Variants in RPH3A observed in about 807,000 individuals in gnomAD.
The protein encoded by RPH3A is rabphilin 3A, also known as rabphilin-3A.
In RPH3A, 48 loss-of-function variants were observed where a neutral mutation model predicts 102.2. That is an observed-to-expected ratio of 0.47 (90% confidence interval 0.37 to 0.60). RPH3A has a LOEUF of 0.60. Among genes scored for constraint, RPH3A ranks in the 20% least tolerant of loss-of-function variants. The probability of loss-of-function intolerance (pLI) is 0.00; values close to 1 mark genes in which losing one functional copy is unlikely to be tolerated. For synonymous variants in RPH3A, 310 were observed against 324.3 expected (o/e 0.96, Z 0.47); for missense variants, 781 against 910.1 (o/e 0.86, Z 1.83).
intron 2 of RPH3A, among the ~76,000 whole-genome samples, chr12:112,810,834 A>G (rs924125975): frequency 2.0e-5 from 3 of 152,232 alleles, no homozygotes; most frequent in Admixed American, 1.3e-4. Context: ...AGGAAAAGTG[A>G]AACTGTAAAA....
intron 1 of RPH3A, among the ~76,000 whole-genome samples, chr12:112,708,748 C>T (rs1457750004): frequency 1.3e-5 from 2 of 152,034 alleles, no homozygotes; most frequent in Non-Finnish European, 2.9e-5. Flanking sequence ...TATCAAGCGC[C>T]CAGGGGATCG....
At chr12:112,888,897 C>T (rs1434781814) in intron 17 of RPH3A, among the ~76,000 whole-genome samples, 6 of 152,208 alleles carry the variant, frequency 3.9e-5, no homozygotes, top group African/African-American at 2.4e-5. Context: ...CCTTGCCTTA[C>T]GTATGGGCCA....
rs921444321 is a variant in RPH3A at position 112,616,127 on chromosome 12, A to T, written c.-140+40808A>T. On this transcript the variant is annotated intron_variant, in intron 1 of 21. Coordinates refer to the RPH3A transcript ENST00000543106. ...CTGCCGAGCAACTGGTTTATCTCTG[A>T]TAAATGGATCCATTCTTTTTTTGTT... Among the ~76,000 whole-genome samples, 52 of 152,082 alleles carry T rather than the reference A, an allele frequency of 3.4e-4. 1 individual carries two copies. The highest frequency in any genetic ancestry group is 1.0e-3 in the African/African-American group (43 of 41,396).
chr12:112,661,828 T>G (rs2040050368), intron 1 of RPH3A, among the ~76,000 whole-genome samples: 2 of 152,152 alleles, frequency 1.3e-5, no homozygotes. Flanking sequence ...ACTTTGTTTC[T>G]GTGGCAGCAT....
chr12:112,712,714 G>A (rs2040470733), intron 1 of RPH3A, among the ~76,000 whole-genome samples: 1 of 151,396 alleles, frequency 6.6e-6, no homozygotes, highest in East Asian at 1.9e-4. Flanking sequence ...TTGTTTGTTT[G>A]TTTTGTTTTG....
rs182512781 is a variant in RPH3A, at chr12:112,575,649, C to G, written c.-140+330C>G. On this transcript the variant is annotated intron_variant, in intron 1 of 21. Transcript: ENST00000543106. The stretch of plus-strand genomic sequence containing the variant: ...GGCTGCGGCGAAGGTAGCTCCTCTC[C>G]GGTAGCCACGGGGTGTCGGATGTGC... Among the ~76,000 whole-genome samples the G allele has an allele frequency of 2.7e-3, 407 of 152,160 alleles. 6 individuals carry two copies. The highest frequency in any genetic ancestry group is 9.6e-3 in the African/African-American group (398 of 41,530).
chr12:112,803,787 C>T (rs1032658752), intron 2 of RPH3A, among the ~76,000 whole-genome samples: 13 of 152,260 alleles, frequency 8.5e-5, no homozygotes, highest in African/African-American at 2.9e-4. Flanking sequence ...GCAGTATGCG[C>T]AGTCCTTAGA....
intron 5 of RPH3A, among the ~76,000 whole-genome samples, chr12:112,858,121 G>C (rs1188745259): frequency 6.6e-6 from 1 of 151,698 alleles, no homozygotes; most frequent in Non-Finnish European, 1.5e-5. Flanking sequence ...AAAAATAATA[G>C]CTGGACGTAG....
chr12:112,659,325 T>G (rs1308262614), intron 1 of RPH3A, among the ~76,000 whole-genome samples: 2 of 152,206 alleles, frequency 1.3e-5, no homozygotes, highest in Non-Finnish European at 2.9e-5. Context: ...CTCCTTCAGT[T>G]TGGAATGCTT....
At chr12:112,818,427 A>G (rs1275231400) in intron 2 of RPH3A, among the ~76,000 whole-genome samples, 1 of 152,028 alleles carries the variant, frequency 6.6e-6, no homozygotes, top group East Asian at 1.9e-4. Flanking sequence ...TTCCAACAGC[A>G]TCATCAGGAA....
At chr12:112,803,593 G>A (rs2041398391) in intron 2 of RPH3A, among the ~76,000 whole-genome samples, 1 of 151,456 alleles carries the variant, frequency 6.6e-6, no homozygotes, top group African/African-American at 2.4e-5. Flanking sequence ...CTTACTAATT[G>A]CAATTGTGAA....
intron 1 of RPH3A, among the ~76,000 whole-genome samples, chr12:112,776,111 G>A (rs1439729560): frequency 6.6e-6 from 1 of 152,170 alleles, no homozygotes; most frequent in African/African-American, 2.4e-5. Context: ...TGCCCAGACC[G>A]TGGTGTCAGA....
intron 1 of RPH3A, among the ~76,000 whole-genome samples, chr12:112,776,873 C>A (rs1261768318): frequency 2.7e-5 from 2 of 73,910 alleles, no homozygotes; most frequent in Non-Finnish European, 2.5e-5. Flanking sequence ...GACTCCATCT[C>A]AAAAAAAAAA....
At chr12:112,750,316 C>A (rs1470604289) in intron 1 of RPH3A, among the ~76,000 whole-genome samples, 4 of 152,100 alleles carry the variant, frequency 2.6e-5, no homozygotes, top group Non-Finnish European at 5.9e-5. Flanking sequence ...TCCCAGGAAA[C>A]ACTAGGAGGG....
At chr12:112,621,831 G>C (rs1430922750) in intron 1 of RPH3A, among the ~76,000 whole-genome samples, 4 of 151,290 alleles carry the variant, frequency 2.6e-5, no homozygotes, top group Non-Finnish European at 4.4e-5. Flanking sequence ...GAAGAGAGCA[G>C]TGGTTCTCCC....
At chr12:112,820,997 G>A (rs149462218) in intron 2 of RPH3A, among the ~76,000 whole-genome samples, 264 of 152,318 alleles carry the variant, frequency 1.7e-3, no homozygotes, top group African/African-American at 6.2e-3. Flanking sequence ...AGCTCTTGTC[G>A]TTTCAGCCTT....
At chr12:112,587,754 C>T (rs2039449020) in intron 1 of RPH3A, among the ~76,000 whole-genome samples, 1 of 152,122 alleles carries the variant, frequency 6.6e-6, no homozygotes, top group African/African-American at 2.4e-5. Flanking sequence ...ATTGCTGAAC[C>T]TGTAGGAACT....
intron 1 of RPH3A, among the ~76,000 whole-genome samples, chr12:112,771,239 A>G (rs1447612272): frequency 6.6e-6 from 1 of 152,248 alleles, no homozygotes; most frequent in East Asian, 1.9e-4. Flanking sequence ...TAATTATGGA[A>G]AAATTCAAAC....
chr12:112,870,691 T>A (rs1479118392), intron 10 of RPH3A, among the ~76,000 whole-genome samples: 1 of 152,176 alleles, frequency 6.6e-6, no homozygotes, highest in African/African-American at 2.4e-5. Context: ...GGCTGAATAT[T>A]TATGTCCCAC....
Sources: gnomAD v4.1 joint callset for allele counts (sites outside exome capture counted in the v4.1 genomes callset) on GRCh38, gnomAD v4.1.1 for gene constraint, MANE v1.5 for transcripts, NCBI Gene and HGNC (gene_info 2026-07-23, HGNC 2026-07-21) for gene names.